Variants in HORMAD2 observed in about 807,000 individuals in gnomAD.
HORMAD2 encodes the protein HORMA domain-containing protein 2.
Under a neutral mutation model 38.8 loss-of-function variants are expected in HORMAD2, and 45 were observed. The ratio of observed to expected loss-of-function variants is 1.16; its 90% CI spans 0.91 to 1.49. HORMAD2 has a LOEUF of 1.49. HORMAD2 is among the 40% of genes most tolerant of loss of function. HORMAD2 has a pLI of 0.00. For synonymous variants in HORMAD2, 126 were observed against 122.8 expected (o/e 1.03, Z -0.17); for missense variants, 338 against 367.0 (o/e 0.92, Z 0.65).
the HORMAD2 span, among the ~76,000 whole-genome samples, chr22:30,185,658 A>G: frequency 6.6e-6 from 1 of 152,222 alleles, no homozygotes; most frequent in Non-Finnish European, 1.5e-5. Context: ...TGTTAAACCA[A>G]TTCTGCAACC....
intron 1 of HORMAD2, among the ~76,000 whole-genome samples, chr22:30,088,971 A>G (rs1018836039): frequency 6.6e-6 from 1 of 152,178 alleles, no homozygotes. Context: ...TCAAGTAAAG[A>G]TAGCTTGGAA....
intron 1 of HORMAD2, among the ~76,000 whole-genome samples, chr22:30,082,422 G>A (rs2068497972): frequency 6.6e-6 from 1 of 152,120 alleles, no homozygotes; most frequent in East Asian, 1.9e-4. Context: ...ACAGCAGCTG[G>A]CTAATCTTTA....
At chr22:30,103,535 A>T (rs780017733) in intron 4 of HORMAD2, 35 bp downstream of exon 4, 6 of 1,105,398 alleles carry the variant, frequency 5.4e-6, no homozygotes, top group South Asian at 2.8e-5. Flanking sequence ...GTTGAACAAC[A>T]TTATTTTTAT....
chr22:30,177,076 CT>C (rs373757253), downstream of HORMAD2: 27 of 149,210 alleles, frequency 1.8e-4, no homozygotes, highest in Admixed American at 6.1e-4. Context: ...AAATACAAGA[CT>C]TTTTTTTTTG....
At chr22:30,131,922 T>G (rs1338687616) in intron 10 of HORMAD2, among the ~76,000 whole-genome samples, 3 of 152,208 alleles carry the variant, frequency 2.0e-5, no homozygotes, top group Non-Finnish European at 4.4e-5. Context: ...AAAAAGTAAA[T>G]GATTTATTTG....
intron 1 of HORMAD2, among the ~76,000 whole-genome samples, chr22:30,091,809 T>C (rs1328632570): frequency 1.3e-5 from 2 of 152,130 alleles, no homozygotes; most frequent in African/African-American, 4.8e-5. Flanking sequence ...TTACCAACAG[T>C]GTATAAGAAT....
chr22:30,111,816 A>C lies in HORMAD2; in HGVS notation c.315A>C (p.Thr105=). The C allele has an allele frequency of 6.4e-7, 1 of 1,572,666 alleles. No individual in the cohort carries two copies. The highest frequency in any genetic ancestry group is 8.6e-7 in the Non-Finnish European group (1 of 1,157,808). The change falls in exon 6 of 11, where the codon ACA becomes ACC. Residue 105 remains threonine (T), a splice_region_variant and synonymous_variant. Coordinates refer to ENST00000336726, the MANE Select transcript of HORMAD2 (RefSeq NM_152510.4). ...EKRYLRMAVL[T]LYTDPMGSEK... is the part of the protein sequence containing the mutation. ...TGAAGCTACGTATGGCAGTACTGAC[A>C]GTAAGTACACACTCATTTAAAGACC...
At chr22:30,177,387 C>A (rs1217155263), downstream of HORMAD2, among the ~76,000 whole-genome samples, 1 of 152,180 alleles carries the variant, frequency 6.6e-6, no homozygotes, top group Non-Finnish European at 1.5e-5. Context: ...AGACTCTCAG[C>A]CATTCTTGAC....
intron 10 of HORMAD2, among the ~76,000 whole-genome samples, chr22:30,141,040 C>G (rs960709575): frequency 1.3e-5 from 2 of 152,142 alleles, no homozygotes; most frequent in African/African-American, 4.8e-5. Context: ...CTCTGTCACC[C>G]AGGCTGGAGT....
chr22:30,102,188 T>C (rs1920951989), intron 3 of HORMAD2, among the ~76,000 whole-genome samples: 1 of 152,256 alleles, frequency 6.6e-6, no homozygotes, highest in South Asian at 2.1e-4. Context: ...TCTTTTGGTC[T>C]ATGAGATACA....
At chr22:30,092,606 CTG>C (rs2068710946) in intron 1 of HORMAD2, among the ~76,000 whole-genome samples, 1 of 151,934 alleles carries the variant, frequency 6.6e-6, no homozygotes, top group South Asian at 2.1e-4. Context: ...AGCATTTTTC[CTG>C]TGTTTTATAA....
At position 30,083,623 on chromosome 22, in the gene HORMAD2, C is replaced by CTT. The variant is rs112657704; in HGVS notation, c.-38+3140_-38+3141dup. Among the ~76,000 whole-genome samples the CTT allele has an allele frequency of 7.1e-3, 1,070 of 151,128 alleles. 12 individuals are homozygous for CTT. The highest frequency in any genetic ancestry group is 0.023 in the African/African-American group (951 of 41,236). ...TAATTAGAGGCTGAAAGGAGTCTGGCTTTTTTTTTGAGACGGAGTTTCACT... is the reference window on the plus strand; with the variant it reads ...TAATTAGAGGCTGAAAGGAGTCTGGCTTTTTTTTTTTGAGACGGAGTTTCACT... On this transcript the variant is annotated intron_variant, in intron 1 of 10. Coordinates refer to ENST00000336726, the MANE Select transcript of HORMAD2 (RefSeq NM_152510.4).
At chr22:30,108,683 C>T (rs996592160) in intron 5 of HORMAD2, among the ~76,000 whole-genome samples, 3 of 152,108 alleles carry the variant, frequency 2.0e-5, no homozygotes, top group Non-Finnish European at 4.4e-5. Context: ...ATGTAGCTAT[C>T]TTTGCTATTT....
chr22:30,170,321 C>T (rs1198989861), intron 10 of HORMAD2, among the ~76,000 whole-genome samples: 3 of 152,162 alleles, frequency 2.0e-5, no homozygotes, highest in Non-Finnish European at 2.9e-5. Context: ...TGCCCTCTCC[C>T]GTGGTTCCCC....
At chr22:30,129,257 GA>G (rs1250715978) in intron 10 of HORMAD2, among the ~76,000 whole-genome samples, 2 of 28,974 alleles carry the variant, frequency 6.9e-5, no homozygotes, top group Non-Finnish European at 1.4e-4. Context: ...AAAAAAAAAA[GA>G]GAGAGAGAGA....
At chr22:30,120,473 T>G (rs931577000) in intron 8 of HORMAD2, among the ~76,000 whole-genome samples, 14 of 152,224 alleles carry the variant, frequency 9.2e-5, no homozygotes, top group African/African-American at 3.4e-4. Context: ...ATTTTTCATA[T>G]TAAGAGCTAA....
At chr22:30,093,574 A>G (rs912491554) in intron 1 of HORMAD2, among the ~76,000 whole-genome samples, 2 of 152,262 alleles carry the variant, frequency 1.3e-5, no homozygotes, top group Admixed American at 1.3e-4. Flanking sequence ...ATAGATAAAA[A>G]TGTTTATTAA....
intron 1 of HORMAD2, among the ~76,000 whole-genome samples, chr22:30,086,636 T>C (rs1244213559): frequency 6.6e-6 from 1 of 152,190 alleles, no homozygotes. Flanking sequence ...TTAAAAACTC[T>C]GGCTGCAATA....
At chr22:30,097,306 CA>C in intron 2 of HORMAD2, among the ~76,000 whole-genome samples, 1 of 152,184 alleles carries the variant, frequency 6.6e-6, no homozygotes, top group Non-Finnish European at 1.5e-5. Context: ...CATACTGAAG[CA>C]AAAGTCACAA....
Sources: gnomAD v4.1 joint callset for allele counts (sites outside exome capture counted in the v4.1 genomes callset) on GRCh38, gnomAD v4.1.1 for gene constraint, MANE v1.5 for transcripts, NCBI Gene and HGNC (gene_info 2026-07-23, HGNC 2026-07-21) for gene names.